LRP1B: variants seen among roughly 807,000 people sequenced by gnomAD.
The protein encoded by LRP1B is low-density lipoprotein receptor-related protein 1B.
LRP1B carries 217 observed loss-of-function variants against 556.6 expected under a neutral mutation model. The observed-to-expected ratio is 0.39, with a 90% CI of 0.35 to 0.44. LRP1B has a LOEUF of 0.44. Ranked by LOEUF, LRP1B falls within the 20% of genes least tolerant of loss-of-function variation. LRP1B has a pLI of 1.00. For missense variants in LRP1B, 5,053 were observed against 5,620.8 expected (o/e 0.90, Z 3.23); for synonymous variants, 2,047 against 1,865.8 (o/e 1.10, Z -2.50).
chr2:141,155,601 A>G (rs1222325271), intron 7 of LRP1B, among the ~76,000 whole-genome samples: 1 of 151,956 alleles, frequency 6.6e-6, no homozygotes, highest in African/African-American at 2.4e-5. Context: ...ATATCCTTCT[A>G]TACTTTTGAT....
At chr2:141,038,066 T>C (rs887501692) in intron 11 of LRP1B, among the ~76,000 whole-genome samples, 15 of 151,174 alleles carry the variant, frequency 9.9e-5, no homozygotes, top group African/African-American at 3.6e-4. Flanking sequence ...TGTTGAGAGG[T>C]GAGTGGGCAT....
intron 7 of LRP1B, among the ~76,000 whole-genome samples, chr2:141,062,890 G>A (rs1052564073): frequency 6.6e-6 from 1 of 151,660 alleles, no homozygotes; most frequent in African/African-American, 2.4e-5. Context: ...AAAAGTATAG[G>A]TCATTTCTTC....
At chr2:140,509,838 G>A (rs1689577000) in intron 52 of LRP1B, 90 bp downstream of exon 52, 2 of 1,517,986 alleles carry the variant, frequency 1.3e-6, no homozygotes, top group Non-Finnish European at 1.8e-6. Context: ...AAAGCAATGG[G>A]AAATGTGCTA....
At chr2:141,049,851 T>C (rs1698983951) in intron 10 of LRP1B, among the ~76,000 whole-genome samples, 1 of 152,058 alleles carries the variant, frequency 6.6e-6, no homozygotes, top group South Asian at 2.1e-4. Flanking sequence ...ACAGTAACTC[T>C]GATGTACAAC....
chr2:142,048,955 G>A (rs911902078), intron 1 of LRP1B, among the ~76,000 whole-genome samples: 13 of 152,006 alleles, frequency 8.6e-5, no homozygotes, highest in African/African-American at 3.1e-4. Context: ...CTACTAAAAT[G>A]TAGAAATACT....
chr2:140,779,352 T>G (rs887022686), intron 32 of LRP1B, among the ~76,000 whole-genome samples: 5 of 152,182 alleles, frequency 3.3e-5, no homozygotes, highest in Non-Finnish European at 5.9e-5. Flanking sequence ...TAGGAAATTC[T>G]TAGGGGAAAT....
At chr2:140,609,698 T>C (rs1328414253) in intron 41 of LRP1B, among the ~76,000 whole-genome samples, 1 of 152,198 alleles carries the variant, frequency 6.6e-6, no homozygotes, top group Non-Finnish European at 1.5e-5. Context: ...CAGTAAATGC[T>C]TTTAATTTTA....
chr2:141,578,831 T>G (rs6429909), intron 2 of LRP1B, among the ~76,000 whole-genome samples: 151,686 of 152,248 alleles, frequency 1, 75,565 homozygotes, highest in Middle Eastern at 1. Flanking sequence ...ATGTGCAAAA[T>G]TACCCATAAG....
At chr2:141,443,773 G>A (rs1681075978) in intron 3 of LRP1B, among the ~76,000 whole-genome samples, 1 of 152,140 alleles carries the variant, frequency 6.6e-6, no homozygotes, top group Non-Finnish European at 1.5e-5. Flanking sequence ...CCACTGCTGT[G>A]TTCCATTGGT....
At chr2:142,056,518 C>G (rs1704678017) in intron 1 of LRP1B, among the ~76,000 whole-genome samples, 1 of 151,982 alleles carries the variant, frequency 6.6e-6, no homozygotes, top group Non-Finnish European at 1.5e-5. Context: ...GTGGGCCAGC[C>G]TCTGAGGCTG....
chr2:140,743,411 C>T (rs1004192025), intron 35 of LRP1B, among the ~76,000 whole-genome samples: 3 of 152,142 alleles, frequency 2.0e-5, no homozygotes, highest in Non-Finnish European at 1.5e-5. Context: ...GAAAAACATA[C>T]TCTAGATTCA....
rs555390823 is a variant in LRP1B at position 140,665,081 on chromosome 2, A to G, written c.6799+35169T>C. Among the ~76,000 whole-genome samples, 67 of 152,302 alleles carry G rather than the reference A, an allele frequency of 4.4e-4. 1 individual carries two copies. The South Asian group carries it at 0.012, about 28-fold the overall frequency. On this transcript the variant is annotated intron_variant, in intron 41 of 90. Coordinates refer to ENST00000389484, the MANE Select transcript of LRP1B (RefSeq NM_018557.3). Reference sequence around the variant, plus strand: ...CTTTAGAATCAAGACCTGATTAATCATTTCTACTACTATTGTACTAATGAG... The same window carrying G: ...CTTTAGAATCAAGACCTGATTAATCGTTTCTACTACTATTGTACTAATGAG...
chr2:140,402,856 G>A (rs150577092), intron 66 of LRP1B, among the ~76,000 whole-genome samples: 389 of 152,288 alleles, frequency 2.6e-3, no homozygotes, highest in Non-Finnish European at 2.9e-3. Context: ...AAAATACTGA[G>A]GAAAAATTAA....
At chr2:141,704,283 C>A (rs780121118) in intron 2 of LRP1B, among the ~76,000 whole-genome samples, 3 of 151,874 alleles carry the variant, frequency 2.0e-5, no homozygotes, top group Non-Finnish European at 4.4e-5. Context: ...TTTTCTTATT[C>A]AAAATGGTAT....
Position 141,136,188 on chromosome 2 carries a change from G to T in LRP1B, c.1013+52233C>A, listed in dbSNP as rs1574111570. On this transcript the variant is annotated intron_variant, in intron 7 of 90. Transcript: ENST00000389484. ...GCATGCGTATGAATAGACATTCTGTGCACTTATAGAGTGTCTGTGTGCAGA... is the reference window on the plus strand; with the variant it reads ...GCATGCGTATGAATAGACATTCTGTTCACTTATAGAGTGTCTGTGTGCAGA... 2.0e-5 allele frequency among the ~76,000 whole-genome samples: 3 copies of T among 151,980 alleles called. No individual in the cohort carries two copies. The East Asian group carries it at 5.8e-4, about 29-fold the overall frequency.
At chr2:140,792,154 T>A (rs770197206) in intron 32 of LRP1B, among the ~76,000 whole-genome samples, 75 of 152,306 alleles carry the variant, frequency 4.9e-4, no homozygotes, top group Non-Finnish European at 9.6e-4. Context: ...CAAACCCCCT[T>A]CCCTTTGTTA....
At chr2:140,380,156 A>G (rs1683408480) in intron 67 of LRP1B, among the ~76,000 whole-genome samples, 1 of 152,160 alleles carries the variant, frequency 6.6e-6, no homozygotes, top group South Asian at 2.1e-4. Context: ...AGATGCGTAA[A>G]TTGAGGCACA....
intron 6 of LRP1B, among the ~76,000 whole-genome samples, chr2:141,223,845 AC>A (rs1339539639): frequency 1.3e-5 from 2 of 152,206 alleles, no homozygotes; most frequent in African/African-American, 4.8e-5. Flanking sequence ...GAAAATTGAA[AC>A]TGGACTCCTT....
chr2:141,043,024 A>C (rs1264328909), intron 11 of LRP1B, among the ~76,000 whole-genome samples: 1 of 119,094 alleles, frequency 8.4e-6, no homozygotes, highest in Non-Finnish European at 1.8e-5. Flanking sequence ...AAAGGCTGTC[A>C]CTACAAAAAA....
Sources: gnomAD v4.1 joint callset for allele counts (sites outside exome capture counted in the v4.1 genomes callset) on GRCh38, gnomAD v4.1.1 for gene constraint, MANE v1.5 for transcripts, NCBI Gene and HGNC (gene_info 2026-07-23, HGNC 2026-07-21) for gene names.